The following FRMD4A variants were observed in gnomAD, a reference collection of about 807,000 sequenced individuals.
The protein encoded by FRMD4A is FERM domain containing 4A, also known as FERM domain-containing protein 4A.
A neutral mutation model predicts 129.1 loss-of-function variants in FRMD4A; 29 were observed. The ratio of observed to expected loss-of-function variants is 0.22; its 90% CI spans 0.17 to 0.31. The LOEUF (loss-of-function observed/expected upper bound fraction) is 0.31. Ranked by LOEUF, FRMD4A falls within the 10% of genes least tolerant of loss-of-function variation. FRMD4A has a pLI of 1.00. For missense variants in FRMD4A, 1,272 were observed against 1,375.8 expected (o/e 0.92, Z 1.19); for synonymous variants, 634 against 571.6 (o/e 1.11, Z -1.56).
chr10:14,158,346 C>T (rs116585908), intron 2 of FRMD4A, among the ~76,000 whole-genome samples: 1,624 of 152,258 alleles, frequency 0.011, 23 homozygotes, highest in African/African-American at 0.037. Flanking sequence ...ATTAGTGGCT[C>T]ATGCCTATAA....
At chr10:14,035,063 A>G (rs1833431325) in intron 2 of FRMD4A, among the ~76,000 whole-genome samples, 1 of 152,164 alleles carries the variant, frequency 6.6e-6, no homozygotes, top group African/African-American at 2.4e-5. Context: ...GAAATTAAAT[A>G]CCGGGGGGAC....
intron 2 of FRMD4A, among the ~76,000 whole-genome samples, chr10:13,982,497 A>AG (rs1355173487): frequency 1.3e-3 from 19 of 15,084 alleles, no homozygotes; most frequent in South Asian, 2.7e-3. Flanking sequence ...AGGGGAGGGG[A>AG]GGGGGGGGAA....
At chr10:13,960,343 T>A (rs545825262) in intron 2 of FRMD4A, among the ~76,000 whole-genome samples, 1 of 152,364 alleles carries the variant, frequency 6.6e-6, no homozygotes, top group East Asian at 1.9e-4. Context: ...CGTTAAGGAA[T>A]ATTGTTCTCT....
intron 2 of FRMD4A, among the ~76,000 whole-genome samples, chr10:13,920,499 G>A (rs980218001): frequency 1.3e-5 from 2 of 152,210 alleles, no homozygotes; most frequent in Non-Finnish European, 2.9e-5. Flanking sequence ...TTTCTAGGTA[G>A]TAAGAACCTA....
chr10:13,876,176 T>G (rs1328484651), intron 2 of FRMD4A, among the ~76,000 whole-genome samples: 1 of 152,180 alleles, frequency 6.6e-6, no homozygotes, highest in Non-Finnish European at 1.5e-5. Context: ...TCCCTTCCCT[T>G]CCTCTCCAAT....
intron 2 of FRMD4A, among the ~76,000 whole-genome samples, chr10:13,868,202 T>C (rs1341830930): frequency 1.3e-5 from 2 of 151,760 alleles, no homozygotes; most frequent in African/African-American, 4.8e-5. Flanking sequence ...CAAAGGTTGA[T>C]TGTAATTTTT....
At chr10:13,802,158 C>T (rs1029983037) in intron 4 of FRMD4A, among the ~76,000 whole-genome samples, 36 of 152,294 alleles carry the variant, frequency 2.4e-4, no homozygotes, top group African/African-American at 8.7e-4. Flanking sequence ...TATGCAATTG[C>T]TTCCAGGCAA....
At chr10:14,275,057 T>A (rs1180735040) in intron 2 of FRMD4A, among the ~76,000 whole-genome samples, 1 of 152,222 alleles carries the variant, frequency 6.6e-6, no homozygotes, top group Admixed American at 6.5e-5. Context: ...TGGTGTACAC[T>A]TCCTGCCCTG....
chr10:13,723,466 T>C (rs193029013), intron 12 of FRMD4A, among the ~76,000 whole-genome samples: 74 of 152,310 alleles, frequency 4.9e-4, no homozygotes, highest in African/African-American at 1.6e-3. Context: ...AGAGGAGTTA[T>C]TGTTTCATGG....
At chr10:13,706,789 A>G (rs2087495675) in intron 13 of FRMD4A, among the ~76,000 whole-genome samples, 1 of 121,646 alleles carries the variant, frequency 8.2e-6, no homozygotes, top group Admixed American at 9.3e-5. Context: ...CGAGCCAGGG[A>G]CACATGTGGC....
chr10:13,993,420 G>T (rs1383693090), intron 2 of FRMD4A, among the ~76,000 whole-genome samples: 1 of 152,314 alleles, frequency 6.6e-6, no homozygotes, highest in Admixed American at 6.5e-5. Flanking sequence ...TTTTAGTCCA[G>T]CTGTTACCAG....
At chr10:13,972,310 A>G (rs1328512859) in intron 2 of FRMD4A, 20 of 986,656 alleles carry the variant, frequency 2.0e-5, no homozygotes, top group Non-Finnish European at 2.4e-5. Flanking sequence ...AACTTGGAGA[A>G]CCCATGAGTT....
chr10:14,317,756 G>GGA (rs573727684), intron 2 of FRMD4A, among the ~76,000 whole-genome samples: 3 of 123,370 alleles, frequency 2.4e-5, no homozygotes, highest in East Asian at 2.4e-4. Flanking sequence ...ACAAGAGACG[G>GGA]AAAAAAAAAA....
intron 2 of FRMD4A, among the ~76,000 whole-genome samples, chr10:13,860,178 C>T (rs1309401889): frequency 6.6e-6 from 1 of 152,120 alleles, no homozygotes; most frequent in Non-Finnish European, 1.5e-5. Context: ...TTACTGCGTC[C>T]GATTTCAAGC....
At chr10:14,169,203 C>T (rs551764035) in intron 2 of FRMD4A, among the ~76,000 whole-genome samples, 2 of 151,926 alleles carry the variant, frequency 1.3e-5, no homozygotes, top group African/African-American at 4.8e-5. Context: ...TTATTCCTTG[C>T]CTATTTGAGG....
At chr10:14,103,448 G>T (rs1029935625) in intron 2 of FRMD4A, among the ~76,000 whole-genome samples, 1 of 152,228 alleles carries the variant, frequency 6.6e-6, no homozygotes, top group Non-Finnish European at 1.5e-5. Context: ...ATCCACTGAG[G>T]TTGGTGGAGG....
At chr10:13,853,397 ATTAGC>A (rs903489794) in intron 3 of FRMD4A, among the ~76,000 whole-genome samples, 73 of 152,320 alleles carry the variant, frequency 4.8e-4, no homozygotes, top group African/African-American at 1.7e-3. Context: ...AATTTAAAAA[ATTAGC>A]AATGCACATC....
At chr10:13,689,198 C>CGGGGGGGTGGGGGGGGGGGGGGGG (rs2085398998) in intron 15 of FRMD4A, among the ~76,000 whole-genome samples, 1 of 68,028 alleles carries the variant, frequency 1.5e-5, no homozygotes, top group Non-Finnish European at 3.2e-5. Context: ...AAACTCTTTG[C>CGGGGGGGTGGGGGGGGGGGGGGGG]GGGGGGGGGG....
intron 2 of FRMD4A, among the ~76,000 whole-genome samples, chr10:14,314,683 C>A (rs527738694): frequency 6.6e-6 from 1 of 152,292 alleles, no homozygotes; most frequent in South Asian, 2.1e-4. Context: ...TTTCATGTTG[C>A]AATCTCTCTG....
Sources: allele counts gnomAD v4.1 joint callset (sites outside exome capture counted in the v4.1 genomes callset), GRCh38; gene constraint gnomAD v4.1.1; transcripts MANE v1.5; gene names NCBI Gene and HGNC (gene_info 2026-07-23, HGNC 2026-07-21).